The following TBCD variants were observed in gnomAD, a reference collection of about 807,000 sequenced individuals.
TBCD encodes tubulin folding cofactor D.
A neutral mutation model predicts 169.3 loss-of-function variants in TBCD; 105 were observed. The ratio of observed to expected loss-of-function variants is 0.62; its 90% CI spans 0.53 to 0.73. The LOEUF (loss-of-function observed/expected upper bound fraction) is 0.73. TBCD is among the 30% of genes least tolerant of loss of function. The pLI is 0.00. For synonymous variants in TBCD, 700 were observed against 643.9 expected (o/e 1.09, Z -1.32); for missense variants, 1,444 against 1,600.1 (o/e 0.90, Z 1.66).
intron 6 of TBCD, among the ~76,000 whole-genome samples, chr17:82,774,136 G>T (rs1263512210): frequency 6.6e-6 from 1 of 151,902 alleles, no homozygotes; most frequent in Admixed American, 6.6e-5. Flanking sequence ...ATAGTGGAGG[G>T]AAGGTCGCAG....
At chr17:82,801,892 G>A (rs1300026565) in intron 9 of TBCD, among the ~76,000 whole-genome samples, 4 of 147,510 alleles carry the variant, frequency 2.7e-5, no homozygotes, top group African/African-American at 5.0e-5. Flanking sequence ...GTGGTTCGGA[G>A]TCAGCGTGGC....
rs533669899 is a variant in TBCD at position 82,899,723 on chromosome 17, G to A, written c.1650-928G>A. On this transcript the variant is annotated intron_variant, in intron 17 of 38. Coordinates refer to ENST00000355528, the MANE Select transcript of TBCD (RefSeq NM_005993.5). Reference sequence around the variant, plus strand: ...TGCCAAACTGTTTTGCAAAGTGGCTGTATAATCTTGTACTTTCACCAGAAC... The same window carrying A: ...TGCCAAACTGTTTTGCAAAGTGGCTATATAATCTTGTACTTTCACCAGAAC... Among the ~76,000 whole-genome samples the A allele has an allele frequency of 2.0e-4, 31 of 152,348 alleles. 1 individual carries two copies. In the South Asian group the frequency reaches 5.0e-3, roughly 24 times the overall value.
chr17:82,903,434 T>A lies in TBCD; in HGVS notation c.1760T>A (p.Leu587Gln). 1 of 1,604,432 alleles carries A rather than the reference T, an allele frequency of 6.2e-7. No individual in the cohort carries two copies. Among genetic ancestry groups the A allele is most frequent in the Admixed American group, 1.7e-5 (1 of 58,786 alleles). ...ATCCGAGAGTTGGCTGCGAGGGCGCTGCACAACCTGGCCCAGCAGGCACCC... is the reference window on the plus strand; with the variant it reads ...ATCCGAGAGTTGGCTGCGAGGGCGCAGCACAACCTGGCCCAGCAGGCACCC... ...GVIRELAARA[L>Q]HNLAQQAPEF... is the part of the protein sequence containing the mutation. Residue 587 changes from leucine to glutamine, a missense_variant, in exon 19 of 39, where the codon CTG becomes CAG. Coordinates refer to ENST00000355528, the MANE Select transcript of TBCD (RefSeq NM_005993.5). The surrounding 1 kb of genome is among the most constrained non-coding windows in gnomAD (Gnocchi z 4.8).
At chr17:82,885,940 G>T (rs1253007549) in intron 15 of TBCD, 1 of 152,158 alleles carries the variant, frequency 6.6e-6, no homozygotes, top group Non-Finnish European at 1.5e-5. Flanking sequence ...TCATTTTTTG[G>T]AGCTGCTGCT....
At chr17:82,764,105 A>G (rs1210776937) in intron 3 of TBCD, 43 bp downstream of exon 3, 8 of 1,472,396 alleles carry the variant, frequency 5.4e-6, no homozygotes, top group Middle Eastern at 3.4e-4. Context: ...ATACTTTTGT[A>G]ATATACTTGG....
chr17:82,933,618 T>A (rs944115077), intron 34 of TBCD, among the ~76,000 whole-genome samples: 15 of 87,768 alleles, frequency 1.7e-4, no homozygotes, highest in African/African-American at 5.7e-4. Flanking sequence ...GGGGCACTGC[T>A]TTTTTTTTGT....
rs1189504883 is a variant in TBCD at position 82,752,320 on chromosome 17, C to T, written c.127C>T (p.Leu43=). The stretch of plus-strand genomic sequence containing the variant: ...GGAGACCCGGGCGCTGCTGGGCCGC[C>T]TGCGGGAGGTGCACGGCGGCGGCGC... ...SAETRALLGR[L]REVHGGGAER... is the part of the protein sequence containing the mutation. Residue 43 remains leucine, a synonymous_variant, in exon 1 of 39, where the codon CTG becomes TTG. Transcript: ENST00000355528. The T allele has an allele frequency of 2.0e-6, 3 of 1,476,472 alleles. No homozygotes were observed. The highest frequency in any genetic ancestry group is 4.9e-5 in the Admixed American group (2 of 40,758). The allele number at this position is 1,476,472 out of a possible 1,614,324, so 91.5% of individuals were successfully genotyped here.
chr17:82,882,930 G>A (rs1426524496), intron 14 of TBCD, among the ~76,000 whole-genome samples: 4 of 152,228 alleles, frequency 2.6e-5, no homozygotes, highest in East Asian at 1.9e-4. Context: ...AGGCTGGAGC[G>A]GGTGACGGTG....
intron 12 of TBCD, among the ~76,000 whole-genome samples, chr17:82,810,797 G>C (rs1221839196): frequency 6.6e-6 from 1 of 152,234 alleles, no homozygotes; most frequent in Non-Finnish European, 1.5e-5. Context: ...TGTGCTGTCA[G>C]CACTTTGGAG....
chr17:82,918,156 T>G (rs1320086914), intron 23 of TBCD: 2 of 155,306 alleles, frequency 1.3e-5, no homozygotes, highest in Admixed American at 6.5e-5. Context: ...GACTGCGGTG[T>G]CGAGGCCCTG....
At chr17:82,847,962 C>G (rs183432954) in intron 13 of TBCD, among the ~76,000 whole-genome samples, 19 of 152,280 alleles carry the variant, frequency 1.2e-4, no homozygotes, top group Admixed American at 2.6e-4. Flanking sequence ...CTGGGGCTAA[C>G]TTAATTTTTT....
chr17:82,790,654 T>C (rs2049650816), intron 7 of TBCD, among the ~76,000 whole-genome samples: 1 of 152,148 alleles, frequency 6.6e-6, no homozygotes, highest in African/African-American at 2.4e-5. Context: ...CCCCAGCATA[T>C]GTCAGCAGCG....
intron 7 of TBCD, among the ~76,000 whole-genome samples, 174 bp from the exon 8 acceptor site, chr17:82,797,583 C>T (rs758999562): frequency 3.3e-5 from 5 of 152,136 alleles, no homozygotes; most frequent in African/African-American, 9.7e-5. Flanking sequence ...GATGATTTCA[C>T]TAGTCTCTTA....
chr17:82,777,554 G>C (rs991129367), intron 6 of TBCD, among the ~76,000 whole-genome samples: 2 of 152,226 alleles, frequency 1.3e-5, no homozygotes, highest in African/African-American at 4.8e-5. Context: ...CCACTGGACG[G>C]GGGGCCCTTC....
intron 6 of TBCD, among the ~76,000 whole-genome samples, chr17:82,773,080 C>T (rs530795209): frequency 6.6e-6 from 1 of 152,336 alleles, no homozygotes; most frequent in East Asian, 1.9e-4. Context: ...CAGTATTTTA[C>T]ATGACATGTG....
intron 23 of TBCD, among the ~76,000 whole-genome samples, chr17:82,919,285 C>T (rs1365435338): frequency 6.6e-6 from 1 of 151,972 alleles, no homozygotes; most frequent in African/African-American, 2.4e-5. Flanking sequence ...CTTTTTGTTT[C>T]CCCCCTCTTG....
intron 13 of TBCD, among the ~76,000 whole-genome samples, chr17:82,836,338 A>G (rs552842376): frequency 1.3e-5 from 2 of 152,338 alleles, no homozygotes; most frequent in East Asian, 3.9e-4. Context: ...ATTGTATAGG[A>G]TGTGTTACGG....
chr17:82,848,476 C>G (rs919433972), intron 13 of TBCD, among the ~76,000 whole-genome samples: 2 of 152,190 alleles, frequency 1.3e-5, no homozygotes, highest in African/African-American at 4.8e-5. Flanking sequence ...CCCTGAACCC[C>G]GACAGCGAGG....
At chr17:82,888,945 G>C (rs1239236254) in intron 15 of TBCD, among the ~76,000 whole-genome samples, 1 of 152,154 alleles carries the variant, frequency 6.6e-6, no homozygotes, top group Non-Finnish European at 1.5e-5. Flanking sequence ...GGGTCTTCCT[G>C]GGACACTGAA....
Sources: gnomAD v4.1 joint callset for allele counts (sites outside exome capture counted in the v4.1 genomes callset) on GRCh38, gnomAD v4.1.1 for gene constraint, Gnocchi (gnomAD v3.1) non-coding constraint, MANE v1.5 for transcripts, NCBI Gene and HGNC (gene_info 2026-07-23, HGNC 2026-07-21) for gene names.